DPYD: variants seen among roughly 807,000 people sequenced by gnomAD.
DPYD encodes the protein dihydropyrimidine dehydrogenase, also known as dihydropyrimidine dehydrogenase [NADP(+)].
A neutral mutation model predicts 116.2 loss-of-function variants in DPYD; 109 were observed. That is an observed-to-expected ratio of 0.94 (90% CI 0.80 to 1.10). DPYD has a LOEUF of 1.10. Ranked by LOEUF, DPYD falls within the 50% of genes least tolerant of loss-of-function variation. The pLI, the probability that DPYD is intolerant of heterozygous loss-of-function variation, is 0.00. For synonymous variants in DPYD, 440 were observed against 432.0 expected, an observed-to-expected ratio of 1.02 and a Z score of -0.23; for missense variants, 1,302 against 1,254.5, an observed-to-expected ratio of 1.04 and a Z score of -0.57.
rs759249769 is a variant in DPYD, at chr1:97,450,183, G to A, written c.1781C>T (p.Thr594Ile). The change falls in exon 14 of 23, where the codon ACC becomes ATC. Residue 594 changes from threonine to isoleucine, a missense_variant. By Grantham distance (89) the Thr-to-Ile change is moderately conservative (BLOSUM62 -1). Transcript: ENST00000370192. ...AGGGCCATACATGGGGCCAGAGGTG[G>A]TTCCCCGGATGATTCTGGGGGAAAC... ...TNVSPRIIRG[T>I]TSGPMYGPGQ... 1.2e-6 allele frequency: 2 copies of A among 1,613,742 alleles called. No homozygotes were observed. The highest frequency in any genetic ancestry group is 2.7e-5 in the African/African-American group (2 of 74,908).
At chr1:97,272,770 C>A (rs1664676127) in intron 18 of DPYD, among the ~76,000 whole-genome samples, 1 of 152,058 alleles carries the variant, frequency 6.6e-6, no homozygotes, top group Non-Finnish European at 1.5e-5. Flanking sequence ...TATTTCATAT[C>A]TTTCTGATGG....
chr1:97,326,563 C>T (rs1021939219), intron 16 of DPYD, among the ~76,000 whole-genome samples: 16 of 151,272 alleles, frequency 1.1e-4, no homozygotes, highest in African/African-American at 3.9e-4. Context: ...AGGAGAACAA[C>T]CAGGAAAAAT....
intron 5 of DPYD, among the ~76,000 whole-genome samples, chr1:97,719,568 C>T (rs573241716): frequency 1.3e-5 from 2 of 151,874 alleles, no homozygotes; most frequent in South Asian, 2.1e-4. Flanking sequence ...AATAACATTT[C>T]GCATTTTGTA....
At chr1:97,720,162 T>A in intron 5 of DPYD, 1 of 951,904 alleles carries the variant, frequency 1.1e-6, no homozygotes, top group Non-Finnish European at 1.3e-6. Flanking sequence ...TCTCTCTCTC[T>A]CTCACACACA....
rs552940412 is a variant in DPYD, at chr1:97,506,645, C to T, written c.1740+9081G>A. On this transcript the variant is annotated intron_variant, in intron 13 of 22. Coordinates refer to ENST00000370192, the MANE Select transcript of DPYD (RefSeq NM_000110.4). The stretch of plus-strand genomic sequence containing the variant: ...ACGTCAATTTATATTATTAAAAAGT[C>T]TATTTGAGTTTCACTTTGTCCACTC... Among the ~76,000 whole-genome samples, 22 of 152,014 alleles carry T rather than the reference C, an allele frequency of 1.4e-4. No homozygotes were observed. In the South Asian group the frequency reaches 4.1e-3, roughly 29 times the overall value.
intron 8 of DPYD, among the ~76,000 whole-genome samples, chr1:97,598,181 T>C (rs1655007144): frequency 6.6e-6 from 1 of 152,124 alleles, no homozygotes; most frequent in Non-Finnish European, 1.5e-5. Flanking sequence ...AACCTTAGCA[T>C]ATGTAAATCA....
At chr1:97,103,923 C>T (rs1225755989) in intron 20 of DPYD, among the ~76,000 whole-genome samples, 3 of 152,060 alleles carry the variant, frequency 2.0e-5, no homozygotes, top group Admixed American at 1.3e-4. Context: ...TCCATGTTTG[C>T]TCATGCATCC....
intron 20 of DPYD, among the ~76,000 whole-genome samples, chr1:97,164,704 G>A (rs903725912): frequency 2.6e-5 from 4 of 151,982 alleles, no homozygotes; most frequent in African/African-American, 9.7e-5. Context: ...AAAATACCTA[G>A]GAATAGCTAA....
intron 8 of DPYD, among the ~76,000 whole-genome samples, chr1:97,627,930 T>G (rs1657029399): frequency 6.6e-6 from 1 of 151,992 alleles, no homozygotes; most frequent in Admixed American, 6.6e-5. Flanking sequence ...GCTAAAGACT[T>G]TAGATGCTAT....
At chr1:97,407,854 C>G (rs1310239962) in intron 14 of DPYD, among the ~76,000 whole-genome samples, 1 of 152,094 alleles carries the variant, frequency 6.6e-6, no homozygotes, top group Non-Finnish European at 1.5e-5. Flanking sequence ...GGAAATAATG[C>G]TGCAACCAGG....
chr1:97,423,754 A>T (rs1450869907), intron 14 of DPYD, among the ~76,000 whole-genome samples: 1 of 152,178 alleles, frequency 6.6e-6, no homozygotes, highest in East Asian at 1.9e-4. Context: ...CTGCAATGTA[A>T]CACAGCACTG....
intron 18 of DPYD, among the ~76,000 whole-genome samples, chr1:97,247,940 G>C (rs1001527157): frequency 1.3e-5 from 2 of 152,140 alleles, no homozygotes; most frequent in Non-Finnish European, 2.9e-5. Context: ...CTAAAGGAAG[G>C]AATAATACCG....
At chr1:97,225,554 C>A (rs1661089339) in intron 19 of DPYD, among the ~76,000 whole-genome samples, 1 of 141,192 alleles carries the variant, frequency 7.1e-6, no homozygotes. Flanking sequence ...ATTTTGAAAT[C>A]AGGTTGTTTT....
chr1:97,748,916 G>C (rs1390534228), intron 3 of DPYD, among the ~76,000 whole-genome samples: 1 of 152,322 alleles, frequency 6.6e-6, no homozygotes, highest in Non-Finnish European at 1.5e-5. Context: ...ACAATGTACT[G>C]TGAAGCTTCT....
chr1:97,286,859 G>C (rs1309410207), intron 18 of DPYD, among the ~76,000 whole-genome samples: 2 of 152,142 alleles, frequency 1.3e-5, no homozygotes, highest in Non-Finnish European at 2.9e-5. Context: ...TTTGCCTTTG[G>C]TTTGAATTTC....
chr1:97,904,570 C>T (rs1221085196), intron 1 of DPYD, among the ~76,000 whole-genome samples: 1 of 152,010 alleles, frequency 6.6e-6, no homozygotes, highest in African/African-American at 2.4e-5. Flanking sequence ...AGCCTAGCAA[C>T]AGTACCAGAG....
intron 9 of DPYD, 136 bp from the exon 10 acceptor site, chr1:97,593,523 T>C: frequency 1.0e-6 from 1 of 954,332 alleles, no homozygotes; most frequent in Non-Finnish European, 1.6e-6. Context: ...TATCAAATTA[T>C]TCTGCTTCAT....
intron 3 of DPYD, among the ~76,000 whole-genome samples, chr1:97,790,020 G>T (rs1667231813): frequency 1.3e-5 from 2 of 152,172 alleles, no homozygotes; most frequent in Non-Finnish European, 2.9e-5. Context: ...AGCATCACTT[G>T]AGGTATTTGT....
intron 16 of DPYD, among the ~76,000 whole-genome samples, chr1:97,338,004 C>T (rs949708316): frequency 6.6e-6 from 1 of 152,122 alleles, no homozygotes; most frequent in Admixed American, 6.6e-5. Flanking sequence ...TGATTCTCTC[C>T]TTCTCCTTTT....
Sources: allele counts gnomAD v4.1 joint callset (sites outside exome capture counted in the v4.1 genomes callset), GRCh38; gene constraint gnomAD v4.1.1; transcripts MANE v1.5; gene names NCBI Gene and HGNC (gene_info 2026-07-23, HGNC 2026-07-21).